The following NRXN3 variants were observed in gnomAD, a reference collection of about 807,000 sequenced individuals.
NRXN3 encodes neurexin 3.
NRXN3 carries 32 observed loss-of-function variants against 137.6 expected under a neutral mutation model. The ratio of observed to expected loss-of-function variants is 0.23; its 90% CI spans 0.18 to 0.31. NRXN3 has a LOEUF of 0.31. NRXN3 is among the 10% of genes least tolerant of loss of function. NRXN3 has a pLI of 1.00. For missense variants in NRXN3, 1,574 were observed against 2,062.5 expected (o/e 0.76, Z 4.59); for synonymous variants, 798 against 784.5 (o/e 1.02, Z -0.29).
chr14:78,527,435 A>C (rs1055657099), intron 4 of NRXN3, among the ~76,000 whole-genome samples: 1 of 152,212 alleles, frequency 6.6e-6, no homozygotes, highest in Non-Finnish European at 1.5e-5. Context: ...AGTACCAAGG[A>C]GGATGGTGTT....
intron 2 of NRXN3, among the ~76,000 whole-genome samples, chr14:78,253,705 T>C (rs1267937165): frequency 6.6e-6 from 1 of 152,052 alleles, no homozygotes; most frequent in East Asian, 1.9e-4. Context: ...AATCATGGGA[T>C]AATAAGTTTA....
At chr14:79,340,115 G>C (rs2092513820) in intron 15 of NRXN3, among the ~76,000 whole-genome samples, 1 of 151,772 alleles carries the variant, frequency 6.6e-6, no homozygotes, top group African/African-American at 2.4e-5. Flanking sequence ...ATAATGGTTT[G>C]AGTTTGCCAA....
intron 15 of NRXN3, among the ~76,000 whole-genome samples, chr14:79,110,244 A>G (rs1184946275): frequency 6.6e-6 from 1 of 152,260 alleles, no homozygotes; most frequent in African/African-American, 2.4e-5. Flanking sequence ...GACACATTGT[A>G]CGTTCCAAGA....
chr14:79,198,683 G>A (rs78765016), intron 15 of NRXN3, among the ~76,000 whole-genome samples: 5,421 of 152,306 alleles, frequency 0.036, 232 homozygotes, highest in East Asian at 0.21. Context: ...AACTAGGTCA[G>A]TGGAATTGGG....
At position 78,698,325 on chromosome 14, in the gene NRXN3, A is replaced by G. The variant is rs140500977; in HGVS notation, c.1222-10892A>G. ...ATTGAATGCTTTTACAGTATTTTCT[A>G]TGACTCTTTTGTCTTTGAGCCTCTC... On this transcript the variant is annotated intron_variant, in intron 6 of 20. Coordinates refer to ENST00000335750, the MANE Select transcript of NRXN3 (RefSeq NM_001330195.2). 151 of 152,142 alleles carry G rather than the reference A, an allele frequency of 9.9e-4. 5 individuals are homozygous for G. The highest frequency in any genetic ancestry group is 3.4e-3 in the African/African-American group (143 of 41,504). The allele number at this position is 152,142 out of a possible 1,614,324, so 9.4% of individuals were successfully genotyped here. A position where few individuals can be genotyped will look rare whatever the true frequency, so the allele number is the denominator to read the frequency against.
chr14:78,808,406 C>G (rs1358296170), intron 9 of NRXN3, among the ~76,000 whole-genome samples: 7 of 152,320 alleles, frequency 4.6e-5, no homozygotes, highest in African/African-American at 4.8e-5. Flanking sequence ...GGGTTTGTTG[C>G]TTTAGGCTCA....
At chr14:79,202,566 T>G (rs1249766684) in intron 15 of NRXN3, among the ~76,000 whole-genome samples, 2 of 152,092 alleles carry the variant, frequency 1.3e-5, no homozygotes, top group African/African-American at 4.8e-5. Context: ...CAAAGCCCAC[T>G]GTGTCACTGT....
At chr14:79,788,153 C>T (rs1430394433) in intron 19 of NRXN3, among the ~76,000 whole-genome samples, 1 of 152,168 alleles carries the variant, frequency 6.6e-6, no homozygotes, top group East Asian at 1.9e-4. Flanking sequence ...TTCAGGGGAA[C>T]TCCCCTTTAT....
chr14:78,573,428 C>G (rs1282459889), intron 4 of NRXN3, among the ~76,000 whole-genome samples: 5 of 152,108 alleles, frequency 3.3e-5, no homozygotes, highest in Non-Finnish European at 7.4e-5. Flanking sequence ...ATGGCTTTGA[C>G]CAGAATGCTA....
At chr14:79,279,565 C>T (rs891517625) in intron 15 of NRXN3, 1 of 986,326 alleles carries the variant, frequency 1.0e-6, no homozygotes, top group South Asian at 4.7e-5. Context: ...CTCCTCTCCT[C>T]TTTCCCTCCA....
intron 15 of NRXN3, among the ~76,000 whole-genome samples, chr14:79,178,418 T>C (rs886228113): frequency 6.6e-6 from 1 of 152,234 alleles, no homozygotes; most frequent in Non-Finnish European, 1.5e-5. Context: ...AACTCTATTA[T>C]ATTCACTCTG....
intron 16 of NRXN3, among the ~76,000 whole-genome samples, chr14:79,575,238 G>C (rs143315232): frequency 1.3e-4 from 20 of 152,206 alleles, no homozygotes; most frequent in African/African-American, 4.8e-4. Flanking sequence ...TACTGAAACA[G>C]AAAACTTCTT....
intron 4 of NRXN3, among the ~76,000 whole-genome samples, chr14:78,607,622 TGACCTTATCATG>T (rs2097263699): frequency 6.6e-6 from 1 of 152,332 alleles, no homozygotes; most frequent in South Asian, 2.1e-4. Flanking sequence ...TTTATTCTTG[TGACCTTATCATG>T]GAGAGCTTTC....
rs1434154446 is a variant in NRXN3, at chr14:79,784,416, T to C, written c.4015-20696T>C. On this transcript the variant is annotated intron_variant, in intron 19 of 20. Coordinates refer to ENST00000335750, the MANE Select transcript of NRXN3 (RefSeq NM_001330195.2). ...AAAAGGTACTGGGTTTATTTTTGCA[T>C]GTCTTCTTTATTTTTTCCTCCAAAG... Among the ~76,000 whole-genome samples, 4 of 152,288 alleles carry C rather than the reference T, an allele frequency of 2.6e-5. No homozygotes were observed. In the East Asian group the frequency reaches 7.7e-4, roughly 29 times the overall value.
rs1045198545 is a variant in NRXN3, at chr14:78,769,936, G to A, written c.2045-33684G>A. Among the ~76,000 whole-genome samples, 60 of 150,884 alleles carry A rather than the reference G, an allele frequency of 4.0e-4. 1 individual carries two copies. The highest frequency in any genetic ancestry group is 1.3e-3 in the African/African-American group (53 of 41,020). ...CCAGGGTGTGGAAACACAGGTTTTTGCTTATGAGTCTTCAATGTCTGAGAA... is the reference window on the plus strand; with the variant it reads ...CCAGGGTGTGGAAACACAGGTTTTTACTTATGAGTCTTCAATGTCTGAGAA... On this transcript the variant is annotated intron_variant, in intron 8 of 20. Coordinates refer to ENST00000335750, the MANE Select transcript of NRXN3 (RefSeq NM_001330195.2).
intron 20 of NRXN3, among the ~76,000 whole-genome samples, chr14:79,813,680 G>C (rs950400667): frequency 2.6e-5 from 4 of 152,054 alleles, no homozygotes; most frequent in Admixed American, 6.5e-5. Flanking sequence ...GTGTACAAAA[G>C]AATGAATACT....
intron 6 of NRXN3, among the ~76,000 whole-genome samples, chr14:78,699,793 G>A (rs2098261625): frequency 6.6e-6 from 1 of 152,174 alleles, no homozygotes; most frequent in African/African-American, 2.4e-5. Context: ...AGAAGGAAAT[G>A]TAGGCATTCT....
At chr14:79,142,319 C>T (rs1048969770) in intron 15 of NRXN3, among the ~76,000 whole-genome samples, 9 of 151,600 alleles carry the variant, frequency 5.9e-5, no homozygotes, top group Admixed American at 3.3e-4. Context: ...CCAGCTAGTC[C>T]GGAGGCTGAG....
chr14:79,398,516 T>TAC lies in NRXN3; in HGVS notation c.3263-68704_3263-68703dup, dbSNP rs1236094793. Among the ~76,000 whole-genome samples, 7 of 152,064 alleles carry TAC rather than the reference T, an allele frequency of 4.6e-5. No homozygotes were observed. In the East Asian group the frequency reaches 1.4e-3, roughly 29 times the overall value. ...GAAAATATTCATTGTTTTTTTTTTT[T>TAC]ACCAATGAGACACTAGTAACAAAGA... On this transcript the variant is annotated intron_variant, in intron 15 of 20. Coordinates refer to ENST00000335750, the MANE Select transcript of NRXN3 (RefSeq NM_001330195.2).
Sources: allele counts gnomAD v4.1 joint callset (sites outside exome capture counted in the v4.1 genomes callset), GRCh38; gene constraint gnomAD v4.1.1; transcripts MANE v1.5; gene names NCBI Gene and HGNC (gene_info 2026-07-23, HGNC 2026-07-21).